Variants in DISC1 observed in about 807,000 individuals in gnomAD.
The protein encoded by DISC1 is DISC1 scaffold protein.
Under a neutral mutation model 84.5 loss-of-function variants are expected in DISC1, and 57 were observed. The ratio of observed to expected loss-of-function variants is 0.67; its 90% CI spans 0.55 to 0.84. The LOEUF (loss-of-function observed/expected upper bound fraction) is 0.84. Ranked by LOEUF, DISC1 falls within the 40% of genes least tolerant of loss-of-function variation. The probability of loss-of-function intolerance (pLI) is 0.00; values close to 1 mark genes in which losing one functional copy is unlikely to be tolerated. For missense variants in DISC1, 1,000 were observed against 1,057.8 expected (o/e 0.95, Z 0.76); for synonymous variants, 411 against 415.2 (o/e 0.99, Z 0.12).
intron 7 of DISC1, among the ~76,000 whole-genome samples, chr1:231,797,157 G>A (rs1209121331): frequency 3.3e-5 from 5 of 152,154 alleles, no homozygotes; most frequent in East Asian, 3.9e-4. Context: ...GTACACCAAC[G>A]TTGAGGATAC....
At chr1:231,825,160 C>T (rs1269087643) in intron 9 of DISC1, among the ~76,000 whole-genome samples, 1 of 152,192 alleles carries the variant, frequency 6.6e-6, no homozygotes, top group African/African-American at 2.4e-5. Context: ...AAAGTCCCTA[C>T]TATTGTTACA....
At chr1:231,768,645 T>G (rs1003312230) in intron 5 of DISC1, among the ~76,000 whole-genome samples, 1 of 152,206 alleles carries the variant, frequency 6.6e-6, no homozygotes, top group Non-Finnish European at 1.5e-5. Context: ...CAACAGACAT[T>G]TATTAAGGGT....
At chr1:231,907,167 TTCTC>T (rs1259583662) in intron 9 of DISC1, among the ~76,000 whole-genome samples, 1 of 144,648 alleles carries the variant, frequency 6.9e-6, no homozygotes, top group Non-Finnish European at 1.5e-5. Context: ...CTTTCTTTCT[TTCTC>T]TTTCTTTTAT....
intron 10 of DISC1, among the ~76,000 whole-genome samples, chr1:231,974,491 C>T (rs1662500696): frequency 6.6e-6 from 1 of 152,056 alleles, no homozygotes; most frequent in Admixed American, 6.6e-5. Context: ...TTTCATCAGC[C>T]ACCTCATAAG....
chr1:231,783,538 T>A (rs1482774884), intron 6 of DISC1, among the ~76,000 whole-genome samples: 1 of 152,188 alleles, frequency 6.6e-6, no homozygotes, highest in Non-Finnish European at 1.5e-5. Context: ...TTTGAGGCAA[T>A]GAGAAAGATC....
chr1:231,905,707 A>G (rs1011501186), intron 9 of DISC1, among the ~76,000 whole-genome samples: 2 of 152,080 alleles, frequency 1.3e-5, no homozygotes, highest in African/African-American at 4.8e-5. Flanking sequence ...GCAATGTGTG[A>G]TTCTGAGGGG....
rs898166251 is a variant in DISC1 at position 232,031,593 on chromosome 1, G to A, written c.2425+5041G>A. ...AAAGCTTTGTGTGTGATGGGCTGGTGCAGATATAGTAGTCACAGTTCTTTC... is the reference window on the plus strand; with the variant it reads ...AAAGCTTTGTGTGTGATGGGCTGGTACAGATATAGTAGTCACAGTTCTTTC... On this transcript the variant is annotated intron_variant, in intron 12 of 12. Coordinates refer to ENST00000439617, the MANE Select transcript of DISC1 (RefSeq NM_018662.3). This position sits in a 1 kb window ranked among gnomAD's most constrained non-coding sequence, Gnocchi z 4.6. 6.6e-6 allele frequency among the ~76,000 whole-genome samples: 1 copy of A among 152,172 alleles called. No homozygotes were observed. Among genetic ancestry groups the A allele is most frequent in the Non-Finnish European group, 1.5e-5 (1 of 68,036 alleles).
At chr1:231,690,600 C>T (rs915564059) in intron 1 of DISC1, among the ~76,000 whole-genome samples, 39 of 152,052 alleles carry the variant, frequency 2.6e-4, no homozygotes, top group Non-Finnish European at 2.9e-5. Flanking sequence ...TGTGATGGCA[C>T]GACTTGGATA....
At chr1:231,892,339 G>A (rs866099809) in intron 9 of DISC1, among the ~76,000 whole-genome samples, 5 of 152,174 alleles carry the variant, frequency 3.3e-5, no homozygotes. Context: ...TTAGCAAGCA[G>A]TTTTGTGGAA....
chr1:231,641,168 C>T (rs889542192), intron 1 of DISC1, among the ~76,000 whole-genome samples: 1 of 152,196 alleles, frequency 6.6e-6, no homozygotes, highest in African/African-American at 2.4e-5. Flanking sequence ...CTATCTTGGG[C>T]TCTGAGTGTG....
intron 9 of DISC1, among the ~76,000 whole-genome samples, chr1:231,886,799 CTTTCTT>C (rs1430396762): frequency 7.0e-6 from 1 of 142,334 alleles, no homozygotes; most frequent in African/African-American, 2.6e-5. Context: ...TTCTTTCTTT[CTTTCTT>C]TCTTTCTTTC....
chr1:231,628,875 G>A (rs4658880), intron 1 of DISC1, among the ~76,000 whole-genome samples: 1 of 151,940 alleles, frequency 6.6e-6, no homozygotes, highest in African/African-American at 2.4e-5. Context: ...TTGAGTAGTT[G>A]GGATTACAGG....
intron 11 of DISC1, among the ~76,000 whole-genome samples, chr1:232,024,194 C>T (rs963834929): frequency 6.6e-6 from 1 of 152,106 alleles, no homozygotes; most frequent in Admixed American, 6.5e-5. Context: ...TATGTCCCCA[C>T]AATTGTATGT....
intron 1 of DISC1, among the ~76,000 whole-genome samples, chr1:231,628,588 C>T (rs1204413245): frequency 1.3e-5 from 2 of 152,206 alleles, no homozygotes; most frequent in African/African-American, 4.8e-5. Flanking sequence ...CAGGGTCACC[C>T]TGCTTGGTTC....
At chr1:231,628,857 C>T (rs866672616) in intron 1 of DISC1, among the ~76,000 whole-genome samples, 22 of 152,106 alleles carry the variant, frequency 1.4e-4, no homozygotes, top group African/African-American at 5.3e-4. Flanking sequence ...TCCTCCTGTT[C>T]CAGCTTTTTG....
At chr1:231,900,849 C>T (rs778957209) in intron 9 of DISC1, among the ~76,000 whole-genome samples, 5 of 152,110 alleles carry the variant, frequency 3.3e-5, no homozygotes, top group South Asian at 2.1e-4. Context: ...TTCATCAAAG[C>T]GTATACATTA....
At chr1:231,656,614 TTTTTC>T (rs1171289031) in intron 1 of DISC1, among the ~76,000 whole-genome samples, 2 of 152,184 alleles carry the variant, frequency 1.3e-5, no homozygotes, top group African/African-American at 2.4e-5. Flanking sequence ...TCGTTCTTTC[TTTTTC>T]TTTTCTTCAA....
intron 10 of DISC1, among the ~76,000 whole-genome samples, chr1:231,991,924 C>T (rs1164972699): frequency 1.3e-5 from 2 of 151,954 alleles, no homozygotes; most frequent in Non-Finnish European, 2.9e-5. Context: ...TGTTCTGTGC[C>T]TTGCCGTTTT....
At chr1:232,028,650 A>T (rs777625617) in intron 12 of DISC1, among the ~76,000 whole-genome samples, 6 of 152,198 alleles carry the variant, frequency 3.9e-5, no homozygotes, top group Non-Finnish European at 5.9e-5. Context: ...GGCTATATTC[A>T]TAATGTACAT....
Sources: allele counts gnomAD v4.1 joint callset (sites outside exome capture counted in the v4.1 genomes callset), GRCh38; gene constraint gnomAD v4.1.1; non-coding constraint Gnocchi (gnomAD v3.1); transcripts MANE v1.5; gene names NCBI Gene and HGNC (gene_info 2026-07-23, HGNC 2026-07-21).